The following RBMS3 variants were observed in gnomAD, a reference collection of about 807,000 sequenced individuals.
The protein encoded by RBMS3 is RNA binding motif single stranded interacting protein 3.
In RBMS3, 27 loss-of-function variants were observed where a neutral mutation model predicts 66.8. The ratio of observed to expected loss-of-function variants is 0.40; its 90% confidence interval spans 0.30 to 0.56. The LOEUF is 0.56. RBMS3 is among the 20% of genes least tolerant of loss of function. The probability of loss-of-function intolerance (pLI) is 0.40; values close to 1 mark genes in which losing one functional copy is unlikely to be tolerated. For missense variants in RBMS3, 513 were observed against 549.5 expected (o/e 0.93, Z 0.66); for synonymous variants, 188 against 183.0 (o/e 1.03, Z -0.22).
At chr3:29,903,277 A>C (rs1328112249) in intron 10 of RBMS3, 2 of 151,932 alleles carry the variant, frequency 1.3e-5, no homozygotes, top group East Asian at 3.9e-4. Flanking sequence ...GTAGAGAATC[A>C]AGAGCATTTC....
intron 4 of RBMS3, among the ~76,000 whole-genome samples, chr3:29,643,640 G>C (rs1263718147): frequency 6.6e-6 from 1 of 152,092 alleles, no homozygotes; most frequent in Non-Finnish European, 1.5e-5. Context: ...AGAAAAACGT[G>C]AAAGTTGTTT....
intron 3 of RBMS3, among the ~76,000 whole-genome samples, chr3:29,534,049 G>A (rs1470430909): frequency 1.3e-5 from 2 of 152,128 alleles, no homozygotes; most frequent in Middle Eastern, 3.2e-3. Flanking sequence ...AATTAAGAAA[G>A]GTGACCAGGC....
At chr3:29,847,734 C>T (rs576435296) in intron 6 of RBMS3, among the ~76,000 whole-genome samples, 1 of 152,152 alleles carries the variant, frequency 6.6e-6, no homozygotes, top group Admixed American at 6.5e-5. Flanking sequence ...CGGCTCACTG[C>T]AGGCTCCGCC....
intron 4 of RBMS3, among the ~76,000 whole-genome samples, chr3:29,716,412 T>C (rs2053397089): frequency 6.6e-6 from 1 of 152,158 alleles, no homozygotes. Context: ...ATAATGCAAG[T>C]CATCGTTTCT....
chr3:29,347,540 A>T (rs888789358), intron 1 of RBMS3, among the ~76,000 whole-genome samples: 1 of 152,164 alleles, frequency 6.6e-6, no homozygotes, highest in Non-Finnish European at 1.5e-5. Context: ...TGCATTCGCG[A>T]TGGGGGGAAA....
intron 5 of RBMS3, among the ~76,000 whole-genome samples, chr3:29,740,714 G>C (rs998647272): frequency 1.3e-5 from 2 of 152,130 alleles, no homozygotes; most frequent in Admixed American, 1.3e-4. Context: ...TGGATGTTAA[G>C]TGTTATGTGG....
At chr3:29,632,944 A>G (rs1400084535) in intron 4 of RBMS3, among the ~76,000 whole-genome samples, 1 of 151,842 alleles carries the variant, frequency 6.6e-6, no homozygotes, top group Non-Finnish European at 1.5e-5. Context: ...TTTTATTCTA[A>G]TAAGGTTTAG....
At chr3:29,756,284 C>T (rs1474739221) in intron 5 of RBMS3, among the ~76,000 whole-genome samples, 2 of 152,142 alleles carry the variant, frequency 1.3e-5, no homozygotes, top group African/African-American at 2.4e-5. Flanking sequence ...GGTGTAAGGG[C>T]TCAGTTCCAC....
chr3:29,292,193 C>T (rs1034106874), intron 1 of RBMS3, among the ~76,000 whole-genome samples: 24 of 151,668 alleles, frequency 1.6e-4, no homozygotes, highest in African/African-American at 5.3e-4. Flanking sequence ...GATTGTCTCT[C>T]TTACACATAA....
At chr3:29,632,889 A>G (rs1313797682) in intron 4 of RBMS3, among the ~76,000 whole-genome samples, 2 of 151,836 alleles carry the variant, frequency 1.3e-5, no homozygotes, top group Non-Finnish European at 2.9e-5. Flanking sequence ...TTCTACTGGC[A>G]CTTTTTAATT....
At chr3:29,683,838 T>C (rs1226265553) in intron 4 of RBMS3, among the ~76,000 whole-genome samples, 2 of 152,228 alleles carry the variant, frequency 1.3e-5, no homozygotes, top group East Asian at 3.8e-4. Context: ...CAGCTGACAC[T>C]TGGGCATTAC....
rs2125764301 is a variant in RBMS3, at chr3:29,453,085, A to G, written c.248+18170A>G. On this transcript the variant is annotated intron_variant, in intron 2 of 14. Transcript: ENST00000383767. ...AGAGTTTACACTGAAAGCTCTTTGAATCCCCGCTGCTTCCCTTGCTTGCTA... is the reference window on the plus strand; with the variant it reads ...AGAGTTTACACTGAAAGCTCTTTGAGTCCCCGCTGCTTCCCTTGCTTGCTA... Among the ~76,000 whole-genome samples, 3 of 152,320 alleles carry G rather than the reference A, an allele frequency of 2.0e-5. No individual in the cohort carries two copies. The South Asian group carries it at 6.2e-4, about 32-fold the overall frequency.
intron 6 of RBMS3, among the ~76,000 whole-genome samples, chr3:29,857,484 TA>T (rs2059109247): frequency 6.6e-6 from 1 of 151,700 alleles, no homozygotes. Context: ...TTCTTGTTAT[TA>T]CTTTTTTTTC....
At chr3:29,898,613 A>G (rs576415070) in intron 9 of RBMS3, among the ~76,000 whole-genome samples, 1 of 151,718 alleles carries the variant, frequency 6.6e-6, no homozygotes, top group South Asian at 2.1e-4. Context: ...ATAGATTTTC[A>G]TTTGAATTAC....
chr3:29,307,197 A>G (rs997419675), intron 1 of RBMS3, among the ~76,000 whole-genome samples: 1 of 151,820 alleles, frequency 6.6e-6, no homozygotes, highest in African/African-American at 2.4e-5. Flanking sequence ...TTCCACCTGC[A>G]TTGGTGTTCT....
At chr3:29,536,040 C>G (rs186233608) in intron 3 of RBMS3, among the ~76,000 whole-genome samples, 5 of 152,138 alleles carry the variant, frequency 3.3e-5, no homozygotes, top group Admixed American at 3.3e-4. Context: ...ATATATGTTA[C>G]CCACTACAAA....
chr3:29,909,475 ATGTT>A (rs2060465285), intron 10 of RBMS3, among the ~76,000 whole-genome samples: 1 of 152,082 alleles, frequency 6.6e-6, no homozygotes, highest in Non-Finnish European at 1.5e-5. Context: ...TTTGGAGGTA[ATGTT>A]TATCTTCCAA....
chr3:29,544,846 G>C (rs2045891088), intron 3 of RBMS3, among the ~76,000 whole-genome samples: 1 of 152,084 alleles, frequency 6.6e-6, no homozygotes, highest in Non-Finnish European at 1.5e-5. Context: ...TAACAGATGG[G>C]ATTTGGCCCA....
At chr3:29,488,329 T>C in intron 2 of RBMS3, 112 bp from the exon 3 acceptor site, 1 of 771,244 alleles carries the variant, frequency 1.3e-6, no homozygotes, top group South Asian at 1.9e-5. Context: ...CCAGAGCTTG[T>C]TTTCTTGGTT....
Sources: allele counts gnomAD v4.1 joint callset (sites outside exome capture counted in the v4.1 genomes callset), GRCh38; gene constraint gnomAD v4.1.1; transcripts MANE v1.5; gene names NCBI Gene and HGNC (gene_info 2026-07-23, HGNC 2026-07-21).